The following LIPH variants were observed in gnomAD, a reference collection of about 807,000 sequenced individuals.
LIPH encodes lipase member H.
In LIPH, 32 loss-of-function variants were observed where a neutral mutation model predicts 47.6. The observed-to-expected ratio is 0.67, with a 90% CI of 0.51 to 0.90. The LOEUF (loss-of-function observed/expected upper bound fraction) is 0.90. Ranked by LOEUF, LIPH falls within the 40% of genes least tolerant of loss-of-function variation. The pLI, the probability that LIPH is intolerant of heterozygous loss-of-function variation, is 0.00. For missense variants in LIPH, 497 were observed against 541.4 expected (o/e 0.92, Z 0.81); for synonymous variants, 190 against 195.6 (o/e 0.97, Z 0.24).
At position 185,552,519 on chromosome 3, in the gene LIPH, T is replaced by C. The variant is rs758325736; in HGVS notation, c.-48A>G. ...GTCACATTCACAAGAATGATTTACT[T>C]CGCAGAGGCTTAAGAGTTTCCACTG... On this transcript the variant is annotated 5_prime_UTR_variant, in exon 1 of 10. Transcript: ENST00000296252. The C allele has an allele frequency of 1.5e-6, 2 of 1,313,934 alleles. No individual in the cohort carries two copies. Among genetic ancestry groups the C allele is most frequent in the South Asian group, 2.4e-5 (2 of 85,070 alleles). The allele number at this position is 1,313,934 out of a possible 1,614,324, so 81.4% of individuals were successfully genotyped here.
chr3:185,540,478 G>A (rs571649098), intron 1 of LIPH, among the ~76,000 whole-genome samples: 3 of 152,254 alleles, frequency 2.0e-5, no homozygotes, highest in African/African-American at 7.2e-5. Flanking sequence ...AGCACTTTGG[G>A]AGGCCAAGGC....
At chr3:185,525,045 TC>T (rs1479563956) in intron 4 of LIPH, among the ~76,000 whole-genome samples, 1 of 151,642 alleles carries the variant, frequency 6.6e-6, no homozygotes, top group African/African-American at 2.4e-5. Flanking sequence ...CGAAACCCCG[TC>T]TCTACAAAAT....
At chr3:185,549,068 T>C (rs555387400) in intron 1 of LIPH, among the ~76,000 whole-genome samples, 4 of 151,300 alleles carry the variant, frequency 2.6e-5, no homozygotes, top group Admixed American at 6.6e-5. Context: ...GAGGCAGAGG[T>C]TGCAGTGAGC....
At chr3:185,550,436 A>T (rs574889732) in intron 1 of LIPH, among the ~76,000 whole-genome samples, 31 of 152,340 alleles carry the variant, frequency 2.0e-4, no homozygotes, top group African/African-American at 7.0e-4. Context: ...GTCACAAAAA[A>T]ATTAAGTTGC....
chr3:185,552,579 G>T lies in LIPH; in HGVS notation c.-108C>A. On this transcript the variant is annotated 5_prime_UTR_variant, in exon 1 of 10. The change creates a new upstream start codon in the 5' untranslated region. Coordinates refer to ENST00000296252, the MANE Select transcript of LIPH (RefSeq NM_139248.3). ...GCTCACAGTGAGCTCAGACGACTCA[G>T]AGGTGTGGTGACAACAGGAAGTTCC... 1 of 787,606 alleles carries T rather than the reference G, an allele frequency of 1.3e-6. No individual in the cohort carries two copies. The highest frequency in any genetic ancestry group is 2.3e-6 in the Non-Finnish European group (1 of 443,130). The allele number at this position is 787,606 out of a possible 1,614,324, so 48.8% of individuals were successfully genotyped here.
chr3:185,523,227 C>G (rs1164122797), intron 5 of LIPH, among the ~76,000 whole-genome samples: 1 of 152,042 alleles, frequency 6.6e-6, no homozygotes, highest in African/African-American at 2.4e-5. Flanking sequence ...CAAAGACATA[C>G]CTTTTCAAGA....
chr3:185,527,376 A>AG, intron 4 of LIPH, 108 bp downstream of exon 4: 1 of 862,408 alleles, frequency 1.2e-6, no homozygotes, highest in Non-Finnish European at 2.0e-6. Context: ...TGGAAAAAAA[A>AG]GTTAGAATCT....
At position 185,507,083 on chromosome 3, in the gene LIPH, C is replaced by T. The variant is rs1365079914; in HGVS notation, c.*1707G>A. Reference sequence around the variant, plus strand: ...TTCTTTAATTTATGACATAGAGAATCCATTTTTGGCCGGGTGTGGTGGCTC... The same window carrying T: ...TTCTTTAATTTATGACATAGAGAATTCATTTTTGGCCGGGTGTGGTGGCTC... On this transcript the variant is annotated 3_prime_UTR_variant, in exon 10 of 10. Transcript: ENST00000296252. 1 of 152,022 alleles carries T rather than the reference C, an allele frequency of 6.6e-6. No individual in the cohort carries two copies. Among genetic ancestry groups the T allele is most frequent in the Non-Finnish European group, 1.5e-5 (1 of 68,034 alleles). The allele number at this position is 152,022 out of a possible 1,614,324, so 9.4% of individuals were successfully genotyped here. A position where few individuals can be genotyped will look rare whatever the true frequency, so the allele number is the denominator to read the frequency against.
intron 9 of LIPH, among the ~76,000 whole-genome samples, chr3:185,510,423 C>A (rs1719524745): frequency 6.6e-6 from 1 of 152,170 alleles, no homozygotes; most frequent in South Asian, 2.1e-4. Flanking sequence ...CTCCTTCTCG[C>A]CCTCTTTCTC....
intron 8 of LIPH, 32 bp downstream of exon 8, chr3:185,514,378 A>G: frequency 1.1e-6 from 1 of 891,124 alleles, no homozygotes; most frequent in Non-Finnish European, 1.9e-6. Flanking sequence ...AAAGGGAAAT[A>G]GCGCACTGCA....
At position 185,513,463 on chromosome 3, in the gene LIPH, C is replaced by T. The variant is rs561375297; in HGVS notation, c.1094+947G>A. On this transcript the variant is annotated intron_variant, in intron 8 of 9. Transcript: ENST00000296252. The stretch of plus-strand genomic sequence containing the variant: ...GGTGAGGATGTGGAGAAACTGGATC[C>T]TGTATGCACCATCAGTGGGATTGGA... Among the ~76,000 whole-genome samples the T allele has an allele frequency of 5.9e-5, 9 of 152,162 alleles. No homozygotes were observed. In the South Asian group the frequency reaches 1.9e-3, roughly 32 times the overall value.
chr3:185,510,382 A>G (rs573673149), intron 9 of LIPH, among the ~76,000 whole-genome samples: 1 of 152,336 alleles, frequency 6.6e-6, no homozygotes, highest in Admixed American at 6.5e-5. Context: ...ACATGTCAAC[A>G]CAGCTCTGTA....
intron 8 of LIPH, 67 bp from the exon 9 acceptor site, chr3:185,511,764 C>T (rs1209673161): frequency 6.5e-6 from 7 of 1,072,506 alleles, no homozygotes; most frequent in Non-Finnish European, 1.0e-5. Context: ...GTTTTGAAGC[C>T]TGCAAGTCAC....
In LIPH at chr3:185,538,892, CGT is replaced by C. The variant is rs1560169677; in HGVS notation, c.50-3762_50-3761del. Reference sequence around the variant, plus strand: ...ATATACACATATATATACATATATACGTATATACACATATACACATATATACA... The same window carrying C: ...ATATACACATATATATACATATATACATATACACATATACACATATATACA... On this transcript the variant is annotated intron_variant, in intron 1 of 9. Transcript: ENST00000296252. Among the ~76,000 whole-genome samples the C allele has an allele frequency of 3.8e-3, 217 of 57,510 alleles. 2 individuals are homozygous for C. The highest frequency in any genetic ancestry group is 0.013 in the African/African-American group (201 of 15,754). 37.7% of individuals were successfully genotyped at this position (57,510 alleles called of 152,430 possible).
chr3:185,529,195 A>AAAAAAAAG (rs1720228217), intron 3 of LIPH, among the ~76,000 whole-genome samples: 2 of 148,188 alleles, frequency 1.3e-5, no homozygotes, highest in Non-Finnish European at 3.0e-5. Flanking sequence ...AAAAAAAAGA[A>AAAAAAAAG]AAAAAGAAAA....
At chr3:185,521,380 A>G (rs1265600215) in intron 5 of LIPH, among the ~76,000 whole-genome samples, 1 of 152,084 alleles carries the variant, frequency 6.6e-6, no homozygotes, top group African/African-American at 2.4e-5. Context: ...AATAAATGCA[A>G]CCTCTAGTGG....
At chr3:185,511,002 A>G (rs924328140) in intron 9 of LIPH, among the ~76,000 whole-genome samples, 2 of 152,168 alleles carry the variant, frequency 1.3e-5, no homozygotes, top group Non-Finnish European at 1.5e-5. Context: ...CTTTAAGTAC[A>G]TGCAGTATAA....
intron 9 of LIPH, among the ~76,000 whole-genome samples, chr3:185,510,641 G>A (rs1176778304): frequency 6.6e-6 from 1 of 152,154 alleles, no homozygotes; most frequent in African/African-American, 2.4e-5. Flanking sequence ...AGCAATTTGG[G>A]AGACAAAGGC....
At chr3:185,542,466 GCCA>G (rs1363774047) in intron 1 of LIPH, among the ~76,000 whole-genome samples, 1 of 152,000 alleles carries the variant, frequency 6.6e-6, no homozygotes, top group Non-Finnish European at 1.5e-5. Context: ...ACAGGCGGCT[GCCA>G]CCACGTTCTG....
Sources: allele counts gnomAD v4.1 joint callset (sites outside exome capture counted in the v4.1 genomes callset), GRCh38; gene constraint gnomAD v4.1.1; transcripts MANE v1.5; gene names NCBI Gene and HGNC (gene_info 2026-07-23, HGNC 2026-07-21).